STARD13: variants seen among roughly 807,000 people sequenced by gnomAD.
STARD13 encodes the protein stAR-related lipid transfer protein 13.
STARD13 carries 62 observed loss-of-function variants against 106.4 expected under a neutral mutation model. The observed-to-expected ratio is 0.58, with a 90% CI of 0.48 to 0.72. The LOEUF (loss-of-function observed/expected upper bound fraction) is 0.72. Ranked by LOEUF, STARD13 falls within the 30% of genes least tolerant of loss-of-function variation. The pLI, the probability that STARD13 is intolerant of heterozygous loss-of-function variation, is 0.00. For missense variants in STARD13, 1,387 were observed against 1,424.0 expected (o/e 0.97, Z 0.42); for synonymous variants, 565 against 553.0 (o/e 1.02, Z -0.31).
intron 3 of STARD13, among the ~76,000 whole-genome samples, chr13:33,144,727 G>GA (rs957727627): frequency 7.2e-5 from 11 of 151,800 alleles, no homozygotes; most frequent in South Asian, 2.1e-4. Flanking sequence ...GGTGTGAAGT[G>GA]AAAAAAAATG....
chr13:33,270,469 C>A (rs1312578832), intron 1 of STARD13, among the ~76,000 whole-genome samples: 1 of 152,148 alleles, frequency 6.6e-6, no homozygotes, highest in East Asian at 1.9e-4. Flanking sequence ...GAGCACCACA[C>A]CTTCCATTTG....
chr13:33,612,627 G>A, the STARD13 span, among the ~76,000 whole-genome samples: 1 of 152,052 alleles, frequency 6.6e-6, no homozygotes, highest in African/African-American at 2.4e-5. Flanking sequence ...TCCCCTTCTG[G>A]GAATATACCC....
intron 7 of STARD13, among the ~76,000 whole-genome samples, chr13:33,119,407 C>T (rs1396368546): frequency 1.3e-5 from 2 of 152,092 alleles, no homozygotes; most frequent in African/African-American, 4.8e-5. Context: ...CACTGCTCAT[C>T]CCCCCTATAC....
At chr13:33,638,349 A>G in the STARD13 span, among the ~76,000 whole-genome samples, 2 of 152,208 alleles carry the variant, frequency 1.3e-5, no homozygotes, top group Non-Finnish European at 2.9e-5. Context: ...AGTGAGACAT[A>G]AGACATAAGA....
At chr13:33,669,913 C>G in the STARD13 span, among the ~76,000 whole-genome samples, 2 of 152,206 alleles carry the variant, frequency 1.3e-5, no homozygotes, top group African/African-American at 4.8e-5. Context: ...GTTACAAAAT[C>G]TAATCATTAT....
the STARD13 span, among the ~76,000 whole-genome samples, chr13:33,561,016 TCA>T: frequency 6.6e-6 from 1 of 151,600 alleles, no homozygotes; most frequent in Non-Finnish European, 1.5e-5. Context: ...GTTATATCTC[TCA>T]GAGGCCACTG....
chr13:33,243,786 T>C (rs1350079940), intron 1 of STARD13, among the ~76,000 whole-genome samples: 1 of 152,134 alleles, frequency 6.6e-6, no homozygotes, highest in Non-Finnish European at 1.5e-5. Flanking sequence ...TGCAAGTTCC[T>C]TGGAACTATG....
chr13:33,138,521 A>G (rs1453161710), intron 4 of STARD13: 1 of 154,178 alleles, frequency 6.5e-6, no homozygotes, highest in East Asian at 1.9e-4. Context: ...TTTTCAAAAG[A>G]CGGAATTTGG....
chr13:33,277,451 T>C (rs1441233529), intron 1 of STARD13: 1 of 152,206 alleles, frequency 6.6e-6, no homozygotes, highest in Non-Finnish European at 1.5e-5. Flanking sequence ...AGAGCCTTTA[T>C]ATAACCAAAG....
At chr13:33,327,374 T>G (rs1279810129) in intron 1 of STARD13, among the ~76,000 whole-genome samples, 1 of 152,228 alleles carries the variant, frequency 6.6e-6, no homozygotes, top group Middle Eastern at 3.2e-3. Context: ...ATATTTACTT[T>G]TTTTTAAAAT....
At chr13:33,411,543 AGGGAAGGT>A in the STARD13 span, among the ~76,000 whole-genome samples, 1 of 147,090 alleles carries the variant, frequency 6.8e-6, no homozygotes, top group South Asian at 2.1e-4. Flanking sequence ...CAAGAAACAA[AGGGAAGGT>A]GGGAAGAGGC....
At chr13:33,230,013 G>A (rs1354325732) in intron 1 of STARD13, among the ~76,000 whole-genome samples, 1 of 152,222 alleles carries the variant, frequency 6.6e-6, no homozygotes, top group African/African-American at 2.4e-5. Flanking sequence ...TTGGAGAGAA[G>A]AGCAGTTGCC....
At chr13:33,608,179 T>C in the STARD13 span, among the ~76,000 whole-genome samples, 22 of 152,190 alleles carry the variant, frequency 1.4e-4, no homozygotes, top group African/African-American at 5.3e-4. Flanking sequence ...AGTACTGGGA[T>C]TACAGGTGCA....
chr13:33,197,444 G>GTGTGTA (rs1886709020), intron 1 of STARD13, among the ~76,000 whole-genome samples: 1 of 151,996 alleles, frequency 6.6e-6, no homozygotes, highest in Non-Finnish European at 1.5e-5. Flanking sequence ...GTGTGTGTGT[G>GTGTGTA]TGTTTTCAAT....
At chr13:33,221,290 T>C (rs1323187732) in intron 1 of STARD13, among the ~76,000 whole-genome samples, 1 of 152,234 alleles carries the variant, frequency 6.6e-6, no homozygotes, top group Non-Finnish European at 1.5e-5. Flanking sequence ...TTTCTGTCTC[T>C]ATAAGTTTGA....
the STARD13 span, among the ~76,000 whole-genome samples, chr13:33,523,380 T>C: frequency 6.6e-6 from 1 of 152,156 alleles, no homozygotes; most frequent in Non-Finnish European, 1.5e-5. Context: ...ATTTTTAAAG[T>C]TTCTCTTGTT....
At chr13:33,480,959 T>C in the STARD13 span, among the ~76,000 whole-genome samples, 1 of 152,146 alleles carries the variant, frequency 6.6e-6, no homozygotes, top group African/African-American at 2.4e-5. Context: ...TTCAAGAGGC[T>C]CTCATTGACC....
At chr13:33,576,317 G>C in the STARD13 span, among the ~76,000 whole-genome samples, 1 of 152,098 alleles carries the variant, frequency 6.6e-6, no homozygotes, top group Admixed American at 6.5e-5. Flanking sequence ...TGAACTCCTG[G>C]GCTCAAGCAG....
the STARD13 span, among the ~76,000 whole-genome samples, chr13:33,601,625 G>A: frequency 1.3e-5 from 2 of 152,204 alleles, no homozygotes; most frequent in Non-Finnish European, 2.9e-5. Context: ...CTGAATTTCT[G>A]CGAAGTGACT....
Sources: gnomAD v4.1 joint callset for allele counts (sites outside exome capture counted in the v4.1 genomes callset) on GRCh38, gnomAD v4.1.1 for gene constraint, MANE v1.5 for transcripts, NCBI Gene and HGNC (gene_info 2026-07-23, HGNC 2026-07-21) for gene names.